Variants in PDE4C observed in about 807,000 individuals in gnomAD.
PDE4C encodes the protein phosphodiesterase 4C, also known as 3',5'-cyclic-AMP phosphodiesterase 4C.
In PDE4C, 50 loss-of-function variants were observed where a neutral mutation model predicts 63.9. The observed-to-expected ratio is 0.78, with a 90% confidence interval of 0.62 to 0.99. The LOEUF (loss-of-function observed/expected upper bound fraction) is 0.99, where lower values mean the gene tolerates loss of function less well. Ranked by LOEUF, PDE4C falls within the 50% of genes least tolerant of loss-of-function variation. PDE4C has a pLI of 0.00. For missense variants in PDE4C, 777 were observed against 899.1 expected, an observed-to-expected ratio of 0.86 and a Z score of 1.74; for synonymous variants, 377 against 385.1, an observed-to-expected ratio of 0.98 and a Z score of 0.25.
intron 1 of PDE4C, chr19:18,232,831 G>T: frequency 1.7e-6 from 2 of 1,198,604 alleles, no homozygotes; most frequent in Non-Finnish European, 2.2e-6. Context: ...CCAGGCGCCA[G>T]CCTCAACCAA....
chr19:18,233,978 C>G (rs1968904474), upstream of PDE4C, among the ~76,000 whole-genome samples: 2 of 152,192 alleles, frequency 1.3e-5, no homozygotes, highest in African/African-American at 2.4e-5. Flanking sequence ...AAACCCCCAC[C>G]CATGCCAGGC....
At chr19:18,228,851 C>T (rs1411588133), upstream of PDE4C, among the ~76,000 whole-genome samples, 1 of 152,234 alleles carries the variant, frequency 6.6e-6, no homozygotes, top group East Asian at 1.9e-4. Flanking sequence ...CCTACCCTGA[C>T]TCCATCCCTG....
chr19:18,221,055 C>T, intron 4 of PDE4C, 50 bp downstream of exon 4: 1 of 763,412 alleles, frequency 1.3e-6, no homozygotes, highest in Non-Finnish European at 1.8e-6. Flanking sequence ...GCTTTCCGCC[C>T]ACCTTGTCTC....
chr19:18,225,206 CA>C (rs1968675990), intron 1 of PDE4C, among the ~76,000 whole-genome samples: 1 of 152,270 alleles, frequency 6.6e-6, no homozygotes, highest in East Asian at 1.9e-4. Flanking sequence ...GCCCATTGGC[CA>C]GGGGGGTAAA....
chr19:18,229,170 G>A (rs146900112), upstream of PDE4C, among the ~76,000 whole-genome samples: 2,118 of 142,180 alleles, frequency 0.015, 59 homozygotes, highest in African/African-American at 0.053. Flanking sequence ...GGCTGGTCTC[G>A]AACTCCTGAC....
At position 18,222,131 on chromosome 19, in the gene PDE4C, C is replaced by T. The variant is rs1968508561; in HGVS notation, c.338+1G>A. ...TGTCATCCCACCAGCCCCAGACTCA[C>T]AGGTCGCTGGCCACAGAGGAGTTCC... is the stretch of plus-strand genomic sequence containing the variant. On this transcript the variant is annotated splice_donor_variant, in intron 2 of 14. Transcript: ENST00000262805. LOFTEE classifies it high-confidence loss of function. 6.2e-7 allele frequency: 1 copy of T among 1,605,124 alleles called. No homozygotes were observed. Among genetic ancestry groups the T allele is most frequent in the Non-Finnish European group, 8.5e-7 (1 of 1,172,916 alleles).
At chr19:18,232,915 C>A in intron 1 of PDE4C, 1 of 1,424,718 alleles carries the variant, frequency 7.0e-7, no homozygotes, top group Non-Finnish European at 9.2e-7. Flanking sequence ...CGCCCCTCCC[C>A]CGCGCTGCAG....
At chr19:18,209,733 G>C (rs1188310104), downstream of PDE4C, 2 of 134,292 alleles carry the variant, frequency 1.5e-5, no homozygotes, top group South Asian at 4.8e-4. Flanking sequence ...TTGCTCTGTC[G>C]CCCAGGCTGG....
At chr19:18,223,048 A>G (rs1196593850) in intron 1 of PDE4C, among the ~76,000 whole-genome samples, 2 of 150,012 alleles carry the variant, frequency 1.3e-5, no homozygotes, top group Admixed American at 1.3e-4. Flanking sequence ...GAGACGAAAT[A>G]TTGCTCTGTT....
At chr19:18,218,422 T>C in exon 10 of PDE4C, 1 of 1,614,192 alleles carries the variant, frequency 6.2e-7, no homozygotes, top group Non-Finnish European at 8.5e-7. Context: ...ATTGGCGTGG[T>C]AGTGACCTTC....
chr19:18,241,255 G>GTTTTTTTTTTTTTTTTT (rs200717537), intron 1 of PDE4C, among the ~76,000 whole-genome samples: 1 of 78,494 alleles, frequency 1.3e-5, no homozygotes, highest in African/African-American at 5.0e-5. Flanking sequence ...TTCTTCTCTT[G>GTTTTTTTTTTTTTTTTT]TTTTTTTTTT....
At chr19:18,240,909 T>C (rs2148066129) in intron 1 of PDE4C, among the ~76,000 whole-genome samples, 1 of 152,178 alleles carries the variant, frequency 6.6e-6, no homozygotes, top group East Asian at 1.9e-4. Context: ...CTCTGACTCG[T>C]GTTGTGGAGG....
intron 1 of PDE4C, chr19:18,224,353 C>T (rs1968632752): frequency 1.0e-6 from 1 of 985,376 alleles, no homozygotes; most frequent in African/African-American, 1.7e-5. Context: ...CCGGCCAAGA[C>T]TTTTGGGTCA....
At chr19:18,240,305 G>A (rs1004628554) in intron 1 of PDE4C, among the ~76,000 whole-genome samples, 2 of 151,112 alleles carry the variant, frequency 1.3e-5, no homozygotes, top group Non-Finnish European at 2.9e-5. Context: ...ACATGTGCCT[G>A]TAGTTTCAGC....
At position 18,220,799 on chromosome 19, in the gene PDE4C, T is replaced by C; in HGVS notation, c.499+75A>G. 1.4e-6 allele frequency: 2 copies of C among 1,428,204 alleles called. No homozygotes were observed. The highest frequency in any genetic ancestry group is 2.0e-6 in the Non-Finnish European group (2 of 1,025,400). The allele number at this position is 1,428,204 out of a possible 1,614,324, so 88.5% of individuals were successfully genotyped here. On this transcript the variant is annotated intron_variant, in intron 5 of 14. Transcript: ENST00000262805. The surrounding 1 kb of genome is among the most constrained non-coding windows in gnomAD (Gnocchi z 5.1). ...AATTAGCCCCAGTATAAGGGGCTCATGGACTGGGGAGGTCACTATGGAAAG... is the reference window on the plus strand; with the variant it reads ...AATTAGCCCCAGTATAAGGGGCTCACGGACTGGGGAGGTCACTATGGAAAG...
intron 7 of PDE4C, among the ~76,000 whole-genome samples, chr19:18,219,832 A>C (rs1968380035): frequency 6.6e-6 from 1 of 152,008 alleles, no homozygotes; most frequent in Admixed American, 6.6e-5. Context: ...CAAAAAAAAA[A>C]AAAAGATCCT....
upstream of PDE4C, chr19:18,252,244 GGGA>G (rs1420015990): frequency 2.5e-6 from 1 of 399,030 alleles, no homozygotes; most frequent in Non-Finnish European, 4.4e-6. Context: ...TCTGGTTGTG[GGGA>G]GGAGGGTATC....
chr19:18,238,088 C>CG (rs1763259814), upstream of PDE4C, among the ~76,000 whole-genome samples: 1 of 151,542 alleles, frequency 6.6e-6, no homozygotes, highest in South Asian at 2.1e-4. Context: ...AGCCAGGCAT[C>CG]GTGGTGTATG....
chr19:18,248,902 G>C (rs1481053656), upstream of PDE4C, among the ~76,000 whole-genome samples: 2 of 151,978 alleles, frequency 1.3e-5, no homozygotes, highest in Non-Finnish European at 2.9e-5. Flanking sequence ...GCAGGTGCCT[G>C]TAATCCCAGC....
Sources: gnomAD v4.1 joint callset for allele counts (sites outside exome capture counted in the v4.1 genomes callset) on GRCh38, gnomAD v4.1.1 for gene constraint, Gnocchi (gnomAD v3.1) non-coding constraint, MANE v1.5 for transcripts, NCBI Gene and HGNC (gene_info 2026-07-23, HGNC 2026-07-21) for gene names.